PANK2: variants seen among roughly 807,000 people sequenced by gnomAD.
PANK2 encodes the protein pantothenate kinase 2, mitochondrial.
In PANK2, 36 loss-of-function variants were observed where a neutral mutation model predicts 43.1. That is an observed-to-expected ratio of 0.84 (90% CI 0.64 to 1.10). The LOEUF (loss-of-function observed/expected upper bound fraction) is 1.10, where lower values mean the gene tolerates loss of function less well. PANK2 is among the 50% of genes least tolerant of loss of function. The pLI, the probability that PANK2 is intolerant of heterozygous loss-of-function variation, is 0.00. For missense variants in PANK2, 576 were observed against 593.3 expected, an observed-to-expected ratio of 0.97 and a Z score of 0.30; for synonymous variants, 281 against 238.2, an observed-to-expected ratio of 1.18 and a Z score of -1.66.
rs1568584271 is a variant in PANK2, at chr20:3,918,703, C to A, written c.1239C>A (p.Phe413Leu). The change falls in exon 6 of 7, where the codon TTC becomes TTA. Residue 413 changes from phenylalanine (F) to leucine (L), a missense_variant. Phe to Leu is a conservative substitution (Grantham distance 22). Around this residue, in one of 2 missense-constraint regions of PANK2, gnomAD observed 32 missense variants for 64.3 expected, o/e 0.50. Transcript: ENST00000610179. The stretch of plus-strand genomic sequence containing the variant: ...ACCAGGTGGTATTTGTTGGAAATTT[C>A]TTGAGAATTAATACGATCGCCATGC... 1 of 1,614,058 alleles carries A rather than the reference C, an allele frequency of 6.2e-7. No homozygotes were observed. The highest frequency in any genetic ancestry group is 8.5e-7 in the Non-Finnish European group (1 of 1,180,046).
rs998652409 is a variant in PANK2, at chr20:3,925,997, G to T, written c.*2703G>T. Reference sequence around the variant, plus strand: ...AGTGGCCATGAAGGGGGCTGTGACCGTGGTCCAGGTGAGAAAGGAAGGCCT... The same window carrying T: ...AGTGGCCATGAAGGGGGCTGTGACCTTGGTCCAGGTGAGAAAGGAAGGCCT... On this transcript the variant is annotated 3_prime_UTR_variant, in exon 7 of 7. Coordinates refer to ENST00000610179, the MANE Select transcript of PANK2 (RefSeq NM_001386393.1). 6.6e-6 allele frequency: 1 copy of T among 152,344 alleles called. No homozygotes were observed. The highest frequency in any genetic ancestry group is 1.5e-5 in the Non-Finnish European group (1 of 68,152). The allele number at this position is 152,344 out of a possible 1,614,324, so 9.4% of individuals were successfully genotyped here. A position where few individuals can be genotyped will look rare whatever the true frequency, so the allele number is the denominator to read the frequency against.
At position 3,908,002 on chromosome 20, in the gene PANK2, TGAAGAA is replaced by T. The variant is rs761711868; in HGVS notation, c.381_386del (p.Glu130_Glu131del). 1 of 1,614,150 alleles carries T rather than the reference TGAAGAA, an allele frequency of 6.2e-7. No homozygotes were observed. Among genetic ancestry groups the T allele is most frequent in the South Asian group, 1.1e-5 (1 of 91,088 alleles). Reference sequence around the variant, plus strand: ...ATTTTGAACCCAAAGACATCACTGCTGAAGAAGAAGAGGAAGAAGTGGAAAGTCTTA... The same window carrying T: ...ATTTTGAACCCAAAGACATCACTGCTGAAGAGGAAGAAGTGGAAAGTCTTA... On this transcript the variant is annotated inframe_deletion, in exon 2 of 7. Transcript: ENST00000610179.
intron 1 of PANK2, among the ~76,000 whole-genome samples, chr20:3,897,944 TTGCAGTGAGCTGAGGTCTGTCGC>T (rs1463284363): frequency 1.3e-5 from 2 of 151,844 alleles, no homozygotes; most frequent in African/African-American, 4.8e-5. Context: ...GAGGCGGAGG[TTGCAGTGAGCTGAGGTCTGTCGC>T]TGCACTCCAT....
intron 1 of PANK2, among the ~76,000 whole-genome samples, chr20:3,898,518 T>C (rs1234898997): frequency 6.6e-6 from 1 of 152,146 alleles, no homozygotes; most frequent in Admixed American, 6.6e-5. Context: ...GCTGAGTATA[T>C]TTAATAAATA....
At position 3,903,918 on chromosome 20, in the gene PANK2, C is replaced by T. The variant is rs572420679; in HGVS notation, c.299-4008C>T. Among the ~76,000 whole-genome samples, 15 of 152,036 alleles carry T rather than the reference C, an allele frequency of 9.9e-5. 2 individuals are homozygous for T. The South Asian group carries it at 2.9e-3, about 30-fold the overall frequency. On this transcript the variant is annotated intron_variant, in intron 1 of 6. Coordinates refer to ENST00000610179, the MANE Select transcript of PANK2 (RefSeq NM_001386393.1). ...TTGGGATTACAGGCGTGAGCCACTG[C>T]GCCCAGCCTAATATTTTGTATTTTT...
Position 3,912,548 on chromosome 20 carries a change from T to C in PANK2, c.996T>C (p.Asp332=). ...CTCTTGAAATGGCATCTCGTGGAGA[T>C]AGCACCAAAGTGGATAAACTAGTAC... is the stretch of plus-strand genomic sequence containing the variant. Residue 332 remains aspartate (D), a synonymous_variant, in exon 4 of 7, where the codon GAT becomes GAC. Transcript: ENST00000610179. 1.2e-6 allele frequency: 2 copies of C among 1,614,164 alleles called. No homozygotes were observed. The highest frequency in any genetic ancestry group is 1.1e-5 in the South Asian group (1 of 91,084).
In PANK2 at chr20:3,926,992, G is replaced by A. The variant is rs143498343; in HGVS notation, c.*3698G>A. The stretch of plus-strand genomic sequence containing the variant: ...TATTTCAGGTCACCCTGGTGCTGGC[G>A]TTCACGTGGAAGACTGCTTATCTGT... On this transcript the variant is annotated 3_prime_UTR_variant, in exon 7 of 7. Coordinates refer to ENST00000610179, the MANE Select transcript of PANK2 (RefSeq NM_001386393.1). The A allele has an allele frequency of 2.0e-3, 314 of 154,290 alleles. 2 individuals are homozygous for A. The highest frequency in any genetic ancestry group is 3.7e-3 in the Non-Finnish European group (257 of 70,264). The allele number at this position is 154,290 out of a possible 1,614,324, so 9.6% of individuals were successfully genotyped here.
chr20:3,902,640 T>C (rs2090320076), intron 1 of PANK2, among the ~76,000 whole-genome samples: 1 of 151,530 alleles, frequency 6.6e-6, no homozygotes, highest in African/African-American at 2.4e-5. Context: ...TGGCTGATCT[T>C]GGACTCCTGG....
At chr20:3,890,971 A>G (rs998670212) in intron 1 of PANK2, among the ~76,000 whole-genome samples, 1 of 152,248 alleles carries the variant, frequency 6.6e-6, no homozygotes, top group Non-Finnish European at 1.5e-5. Flanking sequence ...TTTGTATTAC[A>G]TCGTTGGAAA....
Position 3,910,748 on chromosome 20 carries a change from C to T in PANK2, c.823C>T (p.Leu275=), listed in dbSNP as rs760986960. ...ATTTGATTTGAAAAATCCGTATCCT[C>T]TGCTTCTGGTGAACATTGGCTCAGG... The change falls in exon 3 of 7, where the codon CTG becomes TTG. Residue 275 remains leucine, a synonymous_variant. Transcript: ENST00000610179. 6.2e-7 allele frequency: 1 copy of T among 1,614,168 alleles called. No homozygotes were observed. Among genetic ancestry groups the T allele is most frequent in the East Asian group, 2.2e-5 (1 of 44,878 alleles).
Position 3,928,469 on chromosome 20 carries a change from A to G in PANK2, c.*5175A>G, listed in dbSNP as rs2090760643. The G allele has an allele frequency of 6.6e-6, 1 of 152,208 alleles. No homozygotes were observed. Among genetic ancestry groups the G allele is most frequent in the Admixed American group, 6.5e-5 (1 of 15,272 alleles). 9.4% of individuals were successfully genotyped at this position (152,208 alleles called of 1,614,324 possible). ...GACAAAAATGAACTTAAACTAAAAA[A>G]ATTATTGGCCGGGCGCAGTGGCTCA... is the stretch of plus-strand genomic sequence containing the variant. On this transcript the variant is annotated 3_prime_UTR_variant, in exon 7 of 7. Transcript: ENST00000610179.
At chr20:3,922,707 C>G (rs1432431013) in intron 6 of PANK2, among the ~76,000 whole-genome samples, 7 of 152,230 alleles carry the variant, frequency 4.6e-5, no homozygotes, top group South Asian at 2.1e-4. Flanking sequence ...GGGATGCTGC[C>G]CCCTCCTGCT....
At chr20:3,916,114 G>A (rs952846746) in intron 4 of PANK2, among the ~76,000 whole-genome samples, 9 of 152,116 alleles carry the variant, frequency 5.9e-5, no homozygotes, top group African/African-American at 1.9e-4. Context: ...TTAGATCTTT[G>A]CTTTCTTTCA....
chr20:3,923,673 A>G lies in PANK2; in HGVS notation c.*379A>G, dbSNP rs984378735. On this transcript the variant is annotated 3_prime_UTR_variant, in exon 7 of 7. Transcript: ENST00000610179. The stretch of plus-strand genomic sequence containing the variant: ...CTTGCTGAATGTAAGGCAGGCTACT[A>G]TGCGTTATAATCTAATCACAATTTG... 6 of 311,480 alleles carry G rather than the reference A, an allele frequency of 1.9e-5. No individual in the cohort carries two copies. The highest frequency in any genetic ancestry group is 8.9e-5 in the Admixed American group (2 of 22,446). 19.3% of individuals were successfully genotyped at this position (311,480 alleles called of 1,614,324 possible).
intron 1 of PANK2, among the ~76,000 whole-genome samples, chr20:3,899,626 T>C (rs1444941179): frequency 6.6e-6 from 1 of 151,886 alleles, no homozygotes; most frequent in Non-Finnish European, 1.5e-5. Context: ...CTTGTAGATG[T>C]GTCAGTTTCT....
intron 1 of PANK2, among the ~76,000 whole-genome samples, chr20:3,905,249 C>G (rs1164540639): frequency 6.6e-6 from 1 of 152,092 alleles, no homozygotes; most frequent in Non-Finnish European, 1.5e-5. Flanking sequence ...CCTACGTTCT[C>G]TCTCTCACCT....
chr20:3,917,214 T>G (rs1036889694), intron 5 of PANK2, among the ~76,000 whole-genome samples, 164 bp downstream of exon 5: 3 of 152,168 alleles, frequency 2.0e-5, no homozygotes, highest in Admixed American at 6.5e-5. Context: ...ATCTTCTTTT[T>G]TTTTTTTTTA....
In PANK2 at chr20:3,929,450, A is replaced by G. The variant is rs1445252740; in HGVS notation, c.*6156A>G. On this transcript the variant is annotated 3_prime_UTR_variant, in exon 7 of 7. Coordinates refer to ENST00000610179, the MANE Select transcript of PANK2 (RefSeq NM_001386393.1). ...GTAGCTCCATGAACTGACGCTGGAC[A>G]TTCAGGCATATCCACATGAGACTCA... The G allele has an allele frequency of 6.6e-6, 1 of 152,318 alleles. No homozygotes were observed. The highest frequency in any genetic ancestry group is 1.5e-5 in the Non-Finnish European group (1 of 68,092). The allele number at this position is 152,318 out of a possible 1,614,324, so 9.4% of individuals were successfully genotyped here.
At chr20:3,917,187 T>G (rs1279494816) in intron 5 of PANK2, 137 bp downstream of exon 5, 23 of 1,051,068 alleles carry the variant, frequency 2.2e-5, no homozygotes, top group South Asian at 1.6e-4. Flanking sequence ...AAGTTAAAAC[T>G]CTTCAAATAC....
Sources: gnomAD v4.1 joint callset for allele counts (sites outside exome capture counted in the v4.1 genomes callset) on GRCh38, gnomAD v4.1.1 for gene constraint, gnomAD v4.1.1 regional missense constraint, MANE v1.5 for transcripts, NCBI Gene and HGNC (gene_info 2026-07-23, HGNC 2026-07-21) for gene names.